SEC23IP: variants seen among roughly 807,000 people sequenced by gnomAD.
The protein encoded by SEC23IP is SEC23-interacting protein.
Under a neutral mutation model 113.4 loss-of-function variants are expected in SEC23IP, and 70 were observed. The observed-to-expected ratio is 0.62, with a 90% CI of 0.51 to 0.75. The LOEUF (loss-of-function observed/expected upper bound fraction) is 0.75. SEC23IP is among the 30% of genes least tolerant of loss of function. The pLI is 0.00. For synonymous variants in SEC23IP, 398 were observed against 421.0 expected, an observed-to-expected ratio of 0.95 and a Z score of 0.67; for missense variants, 1,160 against 1,204.9, an observed-to-expected ratio of 0.96 and a Z score of 0.55.
chr10:119,897,204 G>A (rs1470800257), intron 1 of SEC23IP, among the ~76,000 whole-genome samples: 2 of 152,256 alleles, frequency 1.3e-5, no homozygotes, highest in African/African-American at 4.8e-5. Flanking sequence ...GAGGGAATGA[G>A]GCAGGAGCAG....
chr10:119,909,293 ATTAT>A (rs1385329146), intron 5 of SEC23IP, among the ~76,000 whole-genome samples, 163 bp downstream of exon 5: 5 of 152,226 alleles, frequency 3.3e-5, no homozygotes, highest in Non-Finnish European at 7.3e-5. Context: ...TAATACAGAT[ATTAT>A]TTCTATGATT....
intron 4 of SEC23IP, among the ~76,000 whole-genome samples, chr10:119,906,433 T>A (rs1854668843): frequency 6.7e-6 from 1 of 148,546 alleles, no homozygotes. Flanking sequence ...TTTGGTAAAA[T>A]TTGCAAGCTG....
At chr10:119,918,122 A>C in intron 9 of SEC23IP, 78 bp downstream of exon 9, 1 of 1,151,622 alleles carries the variant, frequency 8.7e-7, no homozygotes, top group East Asian at 2.4e-5. Flanking sequence ...TGATATTGTT[A>C]GTGCAAAATT....
intron 2 of SEC23IP, among the ~76,000 whole-genome samples, chr10:119,901,846 C>T (rs1854508968): frequency 6.6e-6 from 1 of 152,020 alleles, no homozygotes; most frequent in South Asian, 2.1e-4. Flanking sequence ...GCCACCACGC[C>T]CAGCTAATTT....
rs202069616 is a variant in SEC23IP, at chr10:119,915,924, G to A, written c.1544+35G>A. On this transcript the variant is annotated intron_variant, in intron 8 of 18. Transcript: ENST00000369075. The stretch of plus-strand genomic sequence containing the variant: ...TTTTGATAACTTGTTTTTCAGATTA[G>A]TCATATTTAAATTTAAGATTTAAAC... 2.1e-6 allele frequency: 3 copies of A among 1,423,852 alleles called. No homozygotes were observed. In the Admixed American group the frequency reaches 7.7e-5, roughly 36 times the overall value. 88.2% of individuals were successfully genotyped at this position (1,423,852 alleles called of 1,614,324 possible).
In SEC23IP at chr10:119,912,094, G is replaced by C; in HGVS notation, c.1242G>C (p.Thr414=). 1 of 1,614,082 alleles carries C rather than the reference G, an allele frequency of 6.2e-7. No individual in the cohort carries two copies. The highest frequency in any genetic ancestry group is 1.1e-5 in the South Asian group (1 of 91,068). ...PSSVPDEWGT[T]QDGQTRPRVV... ...CAGTGCCAGATGAATGGGGCACCAC[G>C]CAAGATGGACAGACAAGGCCCAGGG... Residue 414 remains threonine, a synonymous_variant, in exon 6 of 19, where the codon ACG becomes ACC. Transcript: ENST00000369075.
chr10:119,901,734 T>G (rs952573086), intron 2 of SEC23IP, among the ~76,000 whole-genome samples: 10 of 152,190 alleles, frequency 6.6e-5, no homozygotes, highest in Non-Finnish European at 1.5e-4. Flanking sequence ...TCACTCAGGC[T>G]GGAGTGCAGT....
chr10:119,917,907 T>C lies in SEC23IP; in HGVS notation c.1616T>C (p.Ile539Thr), dbSNP rs1225343354. 6.2e-7 allele frequency: 1 copy of C among 1,614,052 alleles called. No individual in the cohort carries two copies. Among genetic ancestry groups the C allele is most frequent in the East Asian group, 2.2e-5 (1 of 44,858 alleles). The change falls in exon 9 of 19, where the codon ATT becomes ACT. Residue 539 changes from isoleucine to threonine, a missense_variant. Physicochemically the swap from Ile to Thr is moderately conservative, Grantham distance 89. Coordinates refer to ENST00000369075, the MANE Select transcript of SEC23IP (RefSeq NM_007190.4). The part of the protein sequence containing the change: ...RHFTNETLLD[I>T]LFYNSPTYCQ... The stretch of plus-strand genomic sequence containing the variant: ...TTTACCAATGAAACTTTGCTAGATA[T>C]TTTATTTTATAACAGCCCCACCTAC...
At chr10:119,912,613 T>G (rs1338641851) in intron 6 of SEC23IP, among the ~76,000 whole-genome samples, 3 of 151,946 alleles carry the variant, frequency 2.0e-5, no homozygotes, top group African/African-American at 7.2e-5. Context: ...TTCAGATCTT[T>G]TCTCCTAGGT....
At chr10:119,899,535 TG>T (rs1854408316) in intron 2 of SEC23IP, among the ~76,000 whole-genome samples, 2 of 152,130 alleles carry the variant, frequency 1.3e-5, no homozygotes, top group African/African-American at 4.8e-5. Flanking sequence ...AAAAGAGAAA[TG>T]ATTAAAAAGA....
intron 13 of SEC23IP, among the ~76,000 whole-genome samples, chr10:119,926,898 C>T (rs1280624904): frequency 1.3e-5 from 2 of 151,696 alleles, no homozygotes; most frequent in Non-Finnish European, 2.9e-5. Flanking sequence ...TCTTTTTTCC[C>T]TTTTTGGAGA....
At position 119,898,776 on chromosome 10, in the gene SEC23IP, A is replaced by T. The variant is rs754603111; in HGVS notation, c.513A>T (p.Gln171His). Reference sequence around the variant, plus strand: ...TCCCTCCTTCATATTTTGGGAACCAACCCCAAGGAATTCCCCAACCAGGAT... The same window carrying T: ...TCCCTCCTTCATATTTTGGGAACCATCCCCAAGGAATTCCCCAACCAGGAT... ...SSLPPSYFGN[Q>H]PQGIPQPGYN... Residue 171 changes from glutamine (Q) to histidine (H), a missense_variant, in exon 2 of 19, where the codon CAA becomes CAT. Coordinates refer to ENST00000369075, the MANE Select transcript of SEC23IP (RefSeq NM_007190.4). The T allele has an allele frequency of 2.9e-5, 47 of 1,613,924 alleles. No homozygotes were observed. The highest frequency in any genetic ancestry group is 3.7e-5 in the Non-Finnish European group (44 of 1,180,006).
At chr10:119,896,623 A>G (rs951911243) in intron 1 of SEC23IP, among the ~76,000 whole-genome samples, 4 of 152,214 alleles carry the variant, frequency 2.6e-5, no homozygotes, top group Non-Finnish European at 5.9e-5. Flanking sequence ...GTGGCTTTAG[A>G]TGACATGTGT....
intron 3 of SEC23IP, among the ~76,000 whole-genome samples, chr10:119,903,382 G>A (rs1854560859): frequency 6.6e-6 from 1 of 152,224 alleles, no homozygotes; most frequent in African/African-American, 2.4e-5. Flanking sequence ...GGTCAGATGA[G>A]TTTTGGAAAT....
chr10:119,902,709 G>A (rs1854536609), intron 2 of SEC23IP, 90 bp from the exon 3 acceptor site: 2 of 1,006,194 alleles, frequency 2.0e-6, no homozygotes, highest in Non-Finnish European at 3.0e-6. Flanking sequence ...TATACATGTA[G>A]GATAATCTAC....
intron 6 of SEC23IP, among the ~76,000 whole-genome samples, chr10:119,912,844 T>C (rs963410601): frequency 3.3e-5 from 5 of 152,160 alleles, no homozygotes; most frequent in African/African-American, 1.2e-4. Context: ...TTTCACCACG[T>C]TGGCCAGGCT....
intron 4 of SEC23IP, among the ~76,000 whole-genome samples, chr10:119,905,924 C>T (rs1782866893): frequency 6.6e-6 from 1 of 151,754 alleles, no homozygotes; most frequent in Non-Finnish European, 1.5e-5. Flanking sequence ...GGAAAAAAGC[C>T]CAAGAAAAGT....
chr10:119,896,586 A>G (rs576579196), intron 1 of SEC23IP, among the ~76,000 whole-genome samples: 4 of 152,344 alleles, frequency 2.6e-5, no homozygotes, highest in Admixed American at 2.0e-4. Flanking sequence ...TGGGAGTGTC[A>G]CAAATATACA....
In SEC23IP at chr10:119,929,608, T is replaced by C; in HGVS notation, c.2315T>C (p.Val772Ala). 1 of 1,604,720 alleles carries C rather than the reference T, an allele frequency of 6.2e-7. No individual in the cohort carries two copies. ...TCATTGTTATTTGATTCTTTCCAGG[T>C]TTCTGTTGCTTACAACTCATTAGAT... Reference protein sequence around the residue: ...YESFEVGAGQVSVAYNSLDFE... With the variant: ...YESFEVGAGQASVAYNSLDFE... Residue 772 changes from valine to alanine, a missense_variant and splice_region_variant, in exon 14 of 19, where the codon GTT becomes GCT. Transcript: ENST00000369075.
Sources: gnomAD v4.1 joint callset for allele counts (sites outside exome capture counted in the v4.1 genomes callset) on GRCh38, gnomAD v4.1.1 for gene constraint, MANE v1.5 for transcripts, NCBI Gene and HGNC (gene_info 2026-07-23, HGNC 2026-07-21) for gene names.